The following RTL4 variants were observed in gnomAD, a reference collection of about 807,000 sequenced individuals.
RTL4 encodes the protein retrotransposon Gag-like protein 4.
A neutral mutation model predicts 5.3 loss-of-function variants in RTL4; 4 were observed. The ratio of observed to expected loss-of-function variants is 0.75; its 90% CI spans 0.37 to 1.72. RTL4 has a LOEUF of 1.72. Ranked by LOEUF, RTL4 falls within the 40% of genes most tolerant of loss-of-function variation. The pLI, the probability that RTL4 is intolerant of heterozygous loss-of-function variation, is 0.04. For missense variants in RTL4, 260 were observed against 227.1 expected (o/e 1.14, Z -0.93); for synonymous variants, 98 against 87.3 (o/e 1.12, Z -0.68).
the RTL4 span, among the ~76,000 whole-genome samples, chrX:112,298,194 A>C: frequency 8.9e-6 from 1 of 111,960 alleles, no homozygotes; most frequent in African/African-American, 3.2e-5. Context: ...TATCCACCTC[A>C]GAGTACTTTC....
At chrX:112,218,423 T>C in the RTL4 span, among the ~76,000 whole-genome samples, 1 of 112,161 alleles carries the variant, frequency 8.9e-6, no homozygotes, top group African/African-American at 3.2e-5. Context: ...ATGCCCTTTC[T>C]CCATAGGCTC....
At chrX:112,360,515 T>C in the RTL4 span, among the ~76,000 whole-genome samples, 1 of 111,333 alleles carries the variant, frequency 9.0e-6, no homozygotes, top group Admixed American at 9.6e-5. Flanking sequence ...GTCCTAAGAA[T>C]TCTTTCAGAA....
At chrX:112,396,114 C>T in the RTL4 span, among the ~76,000 whole-genome samples, 4 of 110,929 alleles carry the variant, frequency 3.6e-5, no homozygotes, top group Admixed American at 3.8e-4. Context: ...GCCAGAGTTC[C>T]AATTCTGATT....
chrX:112,407,779 C>T, the RTL4 span, among the ~76,000 whole-genome samples: 96 of 112,826 alleles, frequency 8.5e-4, no homozygotes, highest in Non-Finnish European at 7.7e-4. Context: ...TGTTACTCTA[C>T]CCCCAGCTCC....
At chrX:112,246,015 T>A in the RTL4 span, among the ~76,000 whole-genome samples, 1 of 112,454 alleles carries the variant, frequency 8.9e-6, no homozygotes, top group Non-Finnish European at 1.9e-5. Context: ...TTTCCCAGGG[T>A]ATCACCAGCG....
chrX:112,432,526 C>T, the RTL4 span, among the ~76,000 whole-genome samples: 1 of 101,829 alleles, frequency 9.8e-6, no homozygotes, highest in Non-Finnish European at 2.0e-5. Context: ...GCATAAATGT[C>T]TTCTTTTGAG....
the RTL4 span, among the ~76,000 whole-genome samples, chrX:112,330,884 C>T: frequency 9.0e-6 from 1 of 110,834 alleles, no homozygotes; most frequent in Non-Finnish European, 1.9e-5. Flanking sequence ...TTTGACAAAC[C>T]TGAGAAAAAC....
chrX:112,285,496 G>A, the RTL4 span, among the ~76,000 whole-genome samples: 24 of 111,267 alleles, frequency 2.2e-4, no homozygotes, highest in African/African-American at 7.5e-4. Flanking sequence ...TAGAAGTATT[G>A]CCTTTTCTAA....
At chrX:112,236,425 A>ATAGATATAGATCTATATCTATATC in the RTL4 span, among the ~76,000 whole-genome samples, 1 of 79,943 alleles carries the variant, frequency 1.3e-5, no homozygotes, top group African/African-American at 5.4e-5. Flanking sequence ...ATATCTATAT[A>ATAGATATAGATCTATATCTATATC]TAGATATAGA....
At chrX:112,097,996 A>C in the RTL4 span, among the ~76,000 whole-genome samples, 2 of 111,497 alleles carry the variant, frequency 1.8e-5, no homozygotes, top group Non-Finnish European at 3.8e-5. Flanking sequence ...TTTAGGGTAC[A>C]TGTGCACAAC....
the RTL4 span, among the ~76,000 whole-genome samples, chrX:112,367,629 C>T: frequency 1.8e-5 from 2 of 112,012 alleles, no homozygotes; most frequent in Non-Finnish European, 3.8e-5. Context: ...TTGTTTTATT[C>T]ATCAAATATG....
the RTL4 span, among the ~76,000 whole-genome samples, chrX:112,410,904 A>G: frequency 2.7e-5 from 3 of 111,931 alleles, no homozygotes; most frequent in African/African-American, 9.7e-5. Context: ...AATAAAATTA[A>G]AACACAGAAC....
At chrX:112,264,782 T>C in the RTL4 span, among the ~76,000 whole-genome samples, 3 of 111,876 alleles carry the variant, frequency 2.7e-5, no homozygotes, top group Non-Finnish European at 5.6e-5. Context: ...GTGTCATTGT[T>C]GCTGACAAAT....
the RTL4 span, among the ~76,000 whole-genome samples, chrX:112,213,739 G>C: frequency 1.8e-5 from 2 of 111,050 alleles, no homozygotes; most frequent in African/African-American, 6.5e-5. Context: ...TCCATCGCCA[G>C]AAGTTTTTTG....
At chrX:112,364,516 A>G in the RTL4 span, among the ~76,000 whole-genome samples, 453 of 111,838 alleles carry the variant, frequency 4.1e-3, 1 homozygote, top group African/African-American at 0.014. Flanking sequence ...TCAATACAAC[A>G]TCTCACTGAG....
chrX:112,247,057 A>T, the RTL4 span, among the ~76,000 whole-genome samples: 1 of 111,910 alleles, frequency 8.9e-6, no homozygotes, highest in Admixed American at 9.5e-5. Context: ...TAATTCAAAT[A>T]CATTTAAATA....
the RTL4 span, among the ~76,000 whole-genome samples, chrX:112,329,729 T>A: frequency 9.1e-6 from 1 of 109,810 alleles, no homozygotes; most frequent in Admixed American, 9.7e-5. Context: ...CAGACCAATA[T>A]CCTTGATGAA....
chrX:112,309,157 T>C, the RTL4 span, among the ~76,000 whole-genome samples: 1 of 111,491 alleles, frequency 9.0e-6, no homozygotes, highest in Non-Finnish European at 1.9e-5. Context: ...ACAACAGGAA[T>C]TTATTTCTCA....
the RTL4 span, among the ~76,000 whole-genome samples, chrX:112,380,373 C>T: frequency 5.4e-5 from 6 of 111,205 alleles, no homozygotes; most frequent in African/African-American, 1.6e-4. Flanking sequence ...AGGATGGTCT[C>T]GATCCCCTAA....
Sources: gnomAD v4.1 joint callset for allele counts (sites outside exome capture counted in the v4.1 genomes callset) on GRCh38, gnomAD v4.1.1 for gene constraint, MANE v1.5 for transcripts, NCBI Gene and HGNC (gene_info 2026-07-23, HGNC 2026-07-21) for gene names.